ATXN1: variants seen among roughly 807,000 people sequenced by gnomAD.
The protein encoded by ATXN1 is ataxin-1.
A neutral mutation model predicts 56.4 loss-of-function variants in ATXN1; 8 were observed. The ratio of observed to expected loss-of-function variants is 0.14; its 90% CI spans 0.08 to 0.26. ATXN1 has a LOEUF of 0.26. ATXN1 is among the 10% of genes least tolerant of loss of function. The pLI is 1.00. For synonymous variants in ATXN1, 514 were observed against 494.6 expected, an observed-to-expected ratio of 1.04 and a Z score of -0.52; for missense variants, 987 against 1,106.5, an observed-to-expected ratio of 0.89 and a Z score of 1.53.
chr6:16,451,389 C>T (rs1256329681), intron 6 of ATXN1, among the ~76,000 whole-genome samples: 3 of 152,126 alleles, frequency 2.0e-5, no homozygotes, highest in Non-Finnish European at 4.4e-5. Context: ...CACTTGAACC[C>T]GAGGGCCAGA....
intron 6 of ATXN1, among the ~76,000 whole-genome samples, chr6:16,342,138 C>T (rs544950788): frequency 2.9e-4 from 44 of 152,088 alleles, no homozygotes; most frequent in Admixed American, 8.5e-4. Flanking sequence ...CTACCTTGGC[C>T]TCCCAACGTG....
intron 4 of ATXN1, among the ~76,000 whole-genome samples, chr6:16,536,085 C>T (rs1485159891): frequency 6.6e-6 from 1 of 151,948 alleles, no homozygotes; most frequent in Non-Finnish European, 1.5e-5. Context: ...GATGTGGTAG[C>T]CTATGCCTGT....
chr6:16,657,544 A>T (rs1176931971), intron 3 of ATXN1, among the ~76,000 whole-genome samples: 1 of 152,192 alleles, frequency 6.6e-6, no homozygotes, highest in East Asian at 1.9e-4. Context: ...TTCTAACCAC[A>T]AATACATTCT....
rs1378888165 is a variant in ATXN1, at chr6:16,760,856, A to G, written c.-730+442T>C. On this transcript the variant is annotated intron_variant, in intron 1 of 7. Coordinates refer to ENST00000436367, the MANE Select transcript of ATXN1 (RefSeq NM_001128164.2). The surrounding 1 kb of genome is among the most constrained non-coding windows in gnomAD (Gnocchi z 5.3). ...CTGCGCCACCCGGAGGGAGGAGGAC[A>G]TGGCTCTCCGCACTTGCGACCGGAC... Among the ~76,000 whole-genome samples, 1 of 147,360 alleles carries G rather than the reference A, an allele frequency of 6.8e-6. No individual in the cohort carries two copies. The highest frequency in any genetic ancestry group is 1.5e-5 in the Non-Finnish European group (1 of 66,384).
At chr6:16,340,860 A>C (rs955963043) in intron 6 of ATXN1, among the ~76,000 whole-genome samples, 5 of 152,242 alleles carry the variant, frequency 3.3e-5, no homozygotes, top group African/African-American at 9.6e-5. Flanking sequence ...TGGTACAGAA[A>C]GGAACAGGGA....
intron 3 of ATXN1, among the ~76,000 whole-genome samples, chr6:16,653,671 T>C (rs1346070418): frequency 1.3e-5 from 2 of 151,956 alleles, no homozygotes; most frequent in East Asian, 1.9e-4. Context: ...TTACAAAAGA[T>C]AAAGAGACAA....
intron 6 of ATXN1, among the ~76,000 whole-genome samples, chr6:16,468,330 C>G (rs369483468): frequency 1.3e-5 from 2 of 152,152 alleles, no homozygotes; most frequent in South Asian, 4.1e-4. Context: ...GGACTACAGG[C>G]GCATGCCACC....
chr6:16,675,252 A>T (rs1223104870), intron 2 of ATXN1, among the ~76,000 whole-genome samples: 4 of 152,194 alleles, frequency 2.6e-5, no homozygotes, highest in African/African-American at 4.8e-5. Flanking sequence ...TTGGAGATTA[A>T]CCCGCAATCA....
chr6:16,403,836 G>T (rs1355997682), intron 6 of ATXN1, among the ~76,000 whole-genome samples: 1 of 151,800 alleles, frequency 6.6e-6, no homozygotes, highest in African/African-American at 2.4e-5. Flanking sequence ...TGGCTTTCAC[G>T]TTCTGTTCTT....
intron 6 of ATXN1, among the ~76,000 whole-genome samples, chr6:16,441,650 A>C (rs555515930): frequency 6.6e-6 from 1 of 152,346 alleles, no homozygotes; most frequent in Non-Finnish European, 1.5e-5. Flanking sequence ...TGATTGGAGA[A>C]AAGAAATAGT....
rs201169985 is a variant in ATXN1 at position 16,327,023 on chromosome 6, G to A, written c.1288C>T (p.Pro430Ser). The change falls in exon 7 of 8, where the codon CCC (proline) becomes TCC (serine). Residue 430 changes from proline to serine, a missense_variant. Physicochemically the swap from Pro to Ser is moderately conservative, Grantham distance 74 (BLOSUM62 -1). Coordinates refer to ENST00000436367, the MANE Select transcript of ATXN1 (RefSeq NM_001128164.2). ...TGTGTGGTCTGAATGACCGTGTGGG[G>A]TGAGAGCGCGTAGGACCGGTGGCCA... is the stretch of plus-strand genomic sequence containing the variant. ...KPGHRSYALS[P>S]HTVIQTTHSA... 1.9e-6 allele frequency: 3 copies of A among 1,614,192 alleles called. No individual in the cohort carries two copies. In the African/African-American group the frequency reaches 4.0e-5, roughly 22 times the overall value.
At chr6:16,451,132 A>C (rs1198293280) in intron 6 of ATXN1, among the ~76,000 whole-genome samples, 1 of 152,220 alleles carries the variant, frequency 6.6e-6, no homozygotes, top group East Asian at 1.9e-4. Flanking sequence ...ATTTAAAAGC[A>C]AGCAGTTGCC....
chr6:16,634,474 A>G (rs1462947098), intron 3 of ATXN1, among the ~76,000 whole-genome samples: 1 of 149,974 alleles, frequency 6.7e-6, no homozygotes, highest in Non-Finnish European at 1.5e-5. Flanking sequence ...TATAACTCAA[A>G]TGTTTTTTAG....
At chr6:16,416,453 T>C (rs1193638483) in intron 6 of ATXN1, among the ~76,000 whole-genome samples, 2 of 152,212 alleles carry the variant, frequency 1.3e-5, no homozygotes, top group Non-Finnish European at 2.9e-5. Context: ...GAGCACACAA[T>C]AGTGCAAACT....
At chr6:16,429,842 C>T (rs553213219) in intron 6 of ATXN1, among the ~76,000 whole-genome samples, 2 of 152,304 alleles carry the variant, frequency 1.3e-5, no homozygotes, top group Admixed American at 1.3e-4. Flanking sequence ...GAGGCACAGG[C>T]AGTTCAGTGA....
intron 7 of ATXN1, among the ~76,000 whole-genome samples, chr6:16,307,675 C>CAAAAAAA (rs60689654): frequency 1.1e-5 from 1 of 95,018 alleles, no homozygotes; most frequent in African/African-American, 4.0e-5. Flanking sequence ...GACTCCGTCT[C>CAAAAAAA]AAAAAAAAAA....
At chr6:16,320,185 C>T (rs1321825427) in intron 7 of ATXN1, among the ~76,000 whole-genome samples, 1 of 152,124 alleles carries the variant, frequency 6.6e-6, no homozygotes, top group Non-Finnish European at 1.5e-5. Context: ...CCATTCAATG[C>T]ATAATGTTAC....
At chr6:16,595,736 C>T (rs935920212) in intron 3 of ATXN1, among the ~76,000 whole-genome samples, 15 of 152,312 alleles carry the variant, frequency 9.8e-5, no homozygotes, top group African/African-American at 2.6e-4. Context: ...CTCTGGAAAA[C>T]GGAATGTTGA....
chr6:16,709,809 ATACT>A (rs778544896), intron 2 of ATXN1, among the ~76,000 whole-genome samples: 8 of 152,206 alleles, frequency 5.3e-5, no homozygotes, highest in Non-Finnish European at 1.0e-4. Context: ...AGTCGCAAAA[ATACT>A]TAATAAAATG....
Sources: gnomAD v4.1 joint callset for allele counts (sites outside exome capture counted in the v4.1 genomes callset) on GRCh38, gnomAD v4.1.1 for gene constraint, Gnocchi (gnomAD v3.1) non-coding constraint, MANE v1.5 for transcripts, NCBI Gene and HGNC (gene_info 2026-07-23, HGNC 2026-07-21) for gene names.